The following PKLR variants were observed in gnomAD, a reference collection of about 807,000 sequenced individuals.
PKLR encodes pyruvate kinase PKLR.
Under a neutral mutation model 53.6 loss-of-function variants are expected in PKLR, and 38 were observed. That is an observed-to-expected ratio of 0.71 (90% CI 0.55 to 0.93). PKLR has a LOEUF of 0.93. PKLR is among the 40% of genes least tolerant of loss of function. The probability of loss-of-function intolerance (pLI) is 0.00; values close to 1 mark genes in which losing one functional copy is unlikely to be tolerated. For synonymous variants in PKLR, 328 were observed against 316.2 expected (o/e 1.04, Z -0.39); for missense variants, 702 against 787.3 (o/e 0.89, Z 1.30).
In PKLR at chr1:155,301,411, C is replaced by T. The variant is rs1290201661; in HGVS notation, c.-16G>A. The T allele has an allele frequency of 3.1e-6, 5 of 1,613,892 alleles. No homozygotes were observed. The African/African-American group carries it at 6.7e-5, about 22-fold the overall frequency. ...GGATCGACATGCTTTCAGTGTGGGC[C>T]TGGGGCTGCGGGACCATGGAATGAG... On this transcript the variant is annotated 5_prime_UTR_variant, in exon 1 of 11. Coordinates refer to ENST00000342741, the MANE Select transcript of PKLR (RefSeq NM_000298.6).
Position 155,290,383 on chromosome 1 carries a change from G to A in PKLR, c.*189C>T, listed in dbSNP as rs1674478276. 6.6e-6 allele frequency: 4 copies of A among 605,542 alleles called. No homozygotes were observed. Among genetic ancestry groups the A allele is most frequent in the Non-Finnish European group, 8.9e-6 (3 of 336,780 alleles). The allele number at this position is 605,542 out of a possible 1,614,324, so 37.5% of individuals were successfully genotyped here. A position where few individuals can be genotyped will look rare whatever the true frequency, so the allele number is the denominator to read the frequency against. On this transcript the variant is annotated 3_prime_UTR_variant, in exon 11 of 11. Coordinates refer to ENST00000342741, the MANE Select transcript of PKLR (RefSeq NM_000298.6). The stretch of plus-strand genomic sequence containing the variant: ...TCAGGACCTGTGTGAAATGGAGATG[G>A]GGAAGGGGCAACCTCGAAGGGGCTA...
In PKLR at chr1:155,293,855, G is replaced by T. The variant is rs1647374400; in HGVS notation, c.1117-265C>A. Among the ~76,000 whole-genome samples, 1 of 152,138 alleles carries T rather than the reference G, an allele frequency of 6.6e-6. No individual in the cohort carries two copies. The highest frequency in any genetic ancestry group is 6.5e-5 in the Admixed American group (1 of 15,280). ...GTGCTATAAACCTACAGTGTGGGCT[G>T]GGTGCAGTGGCTCACACCTGTAATC... On this transcript the variant is annotated intron_variant, in intron 7 of 10. Coordinates refer to ENST00000342741, the MANE Select transcript of PKLR (RefSeq NM_000298.6). The surrounding 1 kb of genome is among the most constrained non-coding windows in gnomAD (Gnocchi z 4.2).
rs200133000 is a variant in PKLR at position 155,291,906 on chromosome 1, G to C, written c.1468C>G (p.Arg490Gly). The change falls in exon 10 of 11, where the codon CGG (arginine) becomes GGG (glycine). Residue 490 changes from arginine (R) to glycine (G), a missense_variant. Physicochemically the swap from Arg to Gly is moderately radical, Grantham distance 125. Coordinates refer to ENST00000342741, the MANE Select transcript of PKLR (RefSeq NM_000298.6). The part of the protein sequence containing the change: ...SAQLLSRYRP[R>G]AAVIAVTRSA... ...CGGGTGACAGCAATGACTGCTGCCC[G>C]AGGTCGGTACCGAGACAGAAGCTGG... 32 of 1,613,542 alleles carry C rather than the reference G, an allele frequency of 2.0e-5. No homozygotes were observed. Among genetic ancestry groups the C allele is most frequent in the Non-Finnish European group, 2.6e-5 (31 of 1,180,012 alleles).
intron 1 of PKLR, chr1:155,300,760 C>A: frequency 8.8e-7 from 1 of 1,141,146 alleles, no homozygotes; most frequent in Non-Finnish European, 1.3e-6. Context: ...CCCCTGGCTA[C>A]TGGCTGGCTT....
At chr1:155,305,434 A>C (rs1211532481), upstream of PKLR, among the ~76,000 whole-genome samples, 1 of 152,170 alleles carries the variant, frequency 6.6e-6, no homozygotes, top group Admixed American at 6.5e-5. Context: ...CTGGAGTTGG[A>C]AAAGAAAGAG....
At chr1:155,292,637 C>G (rs1647276324) in intron 9 of PKLR, among the ~76,000 whole-genome samples, 1 of 152,022 alleles carries the variant, frequency 6.6e-6, no homozygotes, top group African/African-American at 2.4e-5. Flanking sequence ...CTGCCGTTCT[C>G]AAAAGAAAAA....
chr1:155,301,814 T>C (rs1350588469), upstream of PKLR, among the ~76,000 whole-genome samples: 1 of 152,092 alleles, frequency 6.6e-6, no homozygotes, highest in African/African-American at 2.4e-5. Context: ...GACCACTTTT[T>C]TTCTCTGTCT....
In PKLR at chr1:155,301,297, T is replaced by G; in HGVS notation, c.99A>C (p.Gly33=). 1 of 1,613,974 alleles carries G rather than the reference T, an allele frequency of 6.2e-7. No individual in the cohort carries two copies. Among genetic ancestry groups the G allele is most frequent in the Non-Finnish European group, 8.5e-7 (1 of 1,179,934 alleles). Residue 33 remains glycine, a splice_region_variant and synonymous_variant, in exon 1 of 11, where the codon GGA becomes GGC. Coordinates refer to ENST00000342741, the MANE Select transcript of PKLR (RefSeq NM_000298.6). ...ATGGCTTCTGTCTCCCCTTCTTACC[T>G]CCTGGAGCCCCAATCAGGATGGACT... is the stretch of plus-strand genomic sequence containing the variant. The part of the protein sequence containing the change: ...LAKSILIGAP[G]GPAGYLRRAS...
chr1:155,295,252 A>G lies in PKLR; in HGVS notation c.558T>C (p.Thr186=), dbSNP rs1647504346. The G allele has an allele frequency of 1.9e-6, 3 of 1,613,978 alleles. No homozygotes were observed. Among genetic ancestry groups the G allele is most frequent in the African/African-American group, 1.3e-5 (1 of 74,936 alleles). ...CCCGCGTCCGGAACGCGGGGTCCACAGTCACCAGCACCTGGGAGCCCTTCA... is the reference window on the plus strand; with the variant it reads ...CCCGCGTCCGGAACGCGGGGTCCACGGTCACCAGCACCTGGGAGCCCTTCA... ...ELVKGSQVLV[T]VDPAFRTRGN... is the part of the protein sequence containing the mutation. The change falls in exon 5 of 11, where the codon ACT becomes ACC. Residue 186 remains threonine, a synonymous_variant. Coordinates refer to ENST00000342741, the MANE Select transcript of PKLR (RefSeq NM_000298.6). The surrounding 1 kb of genome is among the most constrained non-coding windows in gnomAD (Gnocchi z 4.3).
At chr1:155,303,288 G>T (rs1313499526), upstream of PKLR, among the ~76,000 whole-genome samples, 8 of 152,262 alleles carry the variant, frequency 5.3e-5, no homozygotes, top group Admixed American at 5.2e-4. Flanking sequence ...TGTGACACTA[G>T]CTGTGGGTTC....
chr1:155,298,024 T>G (rs1647693465), intron 2 of PKLR, among the ~76,000 whole-genome samples: 1 of 152,140 alleles, frequency 6.6e-6, no homozygotes, highest in Non-Finnish European at 1.5e-5. Context: ...CCATAGCACT[T>G]AAAACTTTCA....
intron 1 of PKLR, among the ~76,000 whole-genome samples, 187 bp from the exon 2 acceptor site, chr1:155,300,467 G>T (rs1647928334): frequency 1.3e-5 from 2 of 152,238 alleles, no homozygotes; most frequent in South Asian, 4.1e-4. Context: ...CAATTTTATG[G>T]ATAAAGAAAC....
intron 2 of PKLR, among the ~76,000 whole-genome samples, chr1:155,297,144 G>A (rs116244351): frequency 0.037 from 5,660 of 152,106 alleles, 343 homozygotes; most frequent in African/African-American, 0.13. Flanking sequence ...TCCTTTGGTG[G>A]TCTCAACTAG....
In PKLR at chr1:155,293,397, T is replaced by C. The variant is rs922297034; in HGVS notation, c.1269+41A>G. On this transcript the variant is annotated intron_variant, in intron 8 of 10. Transcript: ENST00000342741. The surrounding 1 kb of genome is among the most constrained non-coding windows in gnomAD (Gnocchi z 4.2). ...AGGGGCACTGGGGTATGGAAGGGAT[T>C]TGGTTCCCTGGCCCATTTGCTTTTC... 3 of 1,614,066 alleles carry C rather than the reference T, an allele frequency of 1.9e-6. No individual in the cohort carries two copies. The highest frequency in any genetic ancestry group is 2.5e-6 in the Non-Finnish European group (3 of 1,180,030).
In PKLR at chr1:155,293,950, T is replaced by A. The variant is rs1647384854; in HGVS notation, c.1116+285A>T. The stretch of plus-strand genomic sequence containing the variant: ...GAGTTCGAGACCAGTCTGGCCAACA[T>A]GGTGAAACCCCGTCTCTACTGAAAA... On this transcript the variant is annotated intron_variant, in intron 7 of 10. Transcript: ENST00000342741. This position sits in a 1 kb window ranked among gnomAD's most constrained non-coding sequence, Gnocchi z 4.2. Among the ~76,000 whole-genome samples the A allele has an allele frequency of 1.3e-5, 2 of 152,080 alleles. No homozygotes were observed. Among genetic ancestry groups the A allele is most frequent in the South Asian group, 4.1e-4 (2 of 4,830 alleles).
intron 9 of PKLR, among the ~76,000 whole-genome samples, chr1:155,292,540 G>A (rs1164588196): frequency 6.6e-6 from 1 of 152,196 alleles, no homozygotes; most frequent in Non-Finnish European, 1.5e-5. Context: ...GGAAGGCTGA[G>A]GCAGGAGAAT....
In PKLR at chr1:155,300,079, G is replaced by C. The variant is rs1647898553; in HGVS notation, c.283+19C>G. 1 of 1,611,708 alleles carries C rather than the reference G, an allele frequency of 6.2e-7. No individual in the cohort carries two copies. Among genetic ancestry groups the C allele is most frequent in the Non-Finnish European group, 8.5e-7 (1 of 1,178,206 alleles). ...TACCAATAGGCCCTGTGTGGCTGCA[G>C]GGGGATGGGAGTGCTTACCGATGGT... On this transcript the variant is annotated intron_variant, in intron 2 of 10. Coordinates refer to ENST00000342741, the MANE Select transcript of PKLR (RefSeq NM_000298.6).
chr1:155,299,802 G>T (rs922379734), intron 2 of PKLR, among the ~76,000 whole-genome samples: 2 of 151,956 alleles, frequency 1.3e-5, no homozygotes, highest in Admixed American at 6.6e-5. Context: ...CACCATGCCC[G>T]GCCTCACTTT....
chr1:155,295,562 C>G lies in PKLR; in HGVS notation c.382G>C (p.Ala128Pro). 1 of 1,614,056 alleles carries G rather than the reference C, an allele frequency of 6.2e-7. No individual in the cohort carries two copies. Among genetic ancestry groups the G allele is most frequent in the Non-Finnish European group, 8.5e-7 (1 of 1,179,998 alleles). ...TCCCGGACGTTGGCGATGGACTCAG[C>G]ATGGTACTGGGGGAGGGAGCGGAGC... ...NFSHGSHEYH[A>P]ESIANVREAV... Residue 128 changes from alanine (A) to proline (P), a missense_variant, in exon 4 of 11, where the codon GCT (alanine) becomes CCT (proline). Around this residue, in one of 2 missense-constraint regions of PKLR, gnomAD observed 519 missense variants for 537.1 expected, o/e 0.97. Transcript: ENST00000342741. This position sits in a 1 kb window ranked among gnomAD's most constrained non-coding sequence, Gnocchi z 4.3.
Sources: allele counts gnomAD v4.1 joint callset (sites outside exome capture counted in the v4.1 genomes callset), GRCh38; gene constraint gnomAD v4.1.1; regional missense constraint gnomAD v4.1.1; non-coding constraint Gnocchi (gnomAD v3.1); transcripts MANE v1.5; gene names NCBI Gene and HGNC (gene_info 2026-07-23, HGNC 2026-07-21).